Variants in LYZL4 observed in about 807,000 individuals in gnomAD.
The protein encoded by LYZL4 is lysozyme-like protein 4.
A neutral mutation model predicts 17.6 loss-of-function variants in LYZL4; 13 were observed. The ratio of observed to expected loss-of-function variants is 0.74; its 90% CI spans 0.48 to 1.18. LYZL4 has a LOEUF of 1.18. LYZL4 is among the 50% of genes most tolerant of loss of function. The probability of loss-of-function intolerance (pLI) is 0.00; values close to 1 mark genes in which losing one functional copy is unlikely to be tolerated. For missense variants in LYZL4, 174 were observed against 188.2 expected (o/e 0.92, Z 0.44); for synonymous variants, 64 against 67.7 (o/e 0.95, Z 0.27).
the LYZL4 span, among the ~76,000 whole-genome samples, chr3:42,370,834 C>T: frequency 6.6e-6 from 1 of 152,158 alleles, no homozygotes; most frequent in African/African-American, 2.4e-5. Flanking sequence ...TGGTAGAGTT[C>T]GTCTACTAAA....
intron 3 of LYZL4, among the ~76,000 whole-genome samples, chr3:42,405,804 T>C (rs1392540126): frequency 6.6e-6 from 1 of 152,144 alleles, no homozygotes. Context: ...CTTGGGCATA[T>C]ACTTACCCTC....
chr3:42,381,232 C>T, the LYZL4 span, among the ~76,000 whole-genome samples: 2 of 152,294 alleles, frequency 1.3e-5, no homozygotes, highest in East Asian at 3.9e-4. Flanking sequence ...TGATGTTGGA[C>T]CTTTCCTGTT....
chr3:42,408,924 C>G (rs1003653769), intron 1 of LYZL4, among the ~76,000 whole-genome samples: 1 of 152,088 alleles, frequency 6.6e-6, no homozygotes, highest in Non-Finnish European at 1.5e-5. Context: ...CAAAATTGCC[C>G]CCTGTTGAGA....
the LYZL4 span, among the ~76,000 whole-genome samples, chr3:42,388,107 C>T: frequency 6.6e-6 from 1 of 152,154 alleles, no homozygotes. Flanking sequence ...GGACTCCCTT[C>T]CCCAGAGCTC....
At chr3:42,399,984 T>G (rs1332098173) in intron 4 of LYZL4, among the ~76,000 whole-genome samples, 1 of 151,796 alleles carries the variant, frequency 6.6e-6, no homozygotes, top group Non-Finnish European at 1.5e-5. Context: ...ACGATGACTT[T>G]TGCAACAACC....
At chr3:42,361,685 A>G in the LYZL4 span, among the ~76,000 whole-genome samples, 1 of 152,082 alleles carries the variant, frequency 6.6e-6, no homozygotes, top group African/African-American at 2.4e-5. Flanking sequence ...AGCTGTGATC[A>G]CGCCACTGCA....
At chr3:42,407,041 G>A in intron 2 of LYZL4, 43 bp from the exon 3 acceptor site, 2 of 1,613,938 alleles carry the variant, frequency 1.2e-6, no homozygotes, top group Non-Finnish European at 1.7e-6. Flanking sequence ...GACAGCTGGA[G>A]TTGGGGATGC....
chr3:42,364,759 C>A, the LYZL4 span, among the ~76,000 whole-genome samples: 1 of 152,148 alleles, frequency 6.6e-6, no homozygotes, highest in Non-Finnish European at 1.5e-5. Context: ...CAAGCATGAG[C>A]CACCACGCCC....
intron 3 of LYZL4, among the ~76,000 whole-genome samples, chr3:42,404,780 T>C (rs1698719987): frequency 6.6e-6 from 1 of 152,328 alleles, no homozygotes; most frequent in South Asian, 2.1e-4. Flanking sequence ...ACTGTATTTC[T>C]CTTTTTGCCT....
chr3:42,364,481 T>A, the LYZL4 span, among the ~76,000 whole-genome samples: 2 of 152,018 alleles, frequency 1.3e-5, no homozygotes, highest in Non-Finnish European at 2.9e-5. Context: ...TAGCTGGGAT[T>A]ACAGGCACTC....
the LYZL4 span, among the ~76,000 whole-genome samples, chr3:42,366,406 G>A: frequency 6.6e-6 from 1 of 152,178 alleles, no homozygotes; most frequent in African/African-American, 2.4e-5. Context: ...CTGAGGAGGG[G>A]AGGTTGTGGC....
At chr3:42,405,031 G>T (rs1698724407) in intron 3 of LYZL4, among the ~76,000 whole-genome samples, 1 of 152,022 alleles carries the variant, frequency 6.6e-6, no homozygotes, top group Non-Finnish European at 1.5e-5. Flanking sequence ...ACCTCTAGAA[G>T]TGACTTACAC....
At chr3:42,388,311 C>T in the LYZL4 span, among the ~76,000 whole-genome samples, 2 of 152,292 alleles carry the variant, frequency 1.3e-5, no homozygotes, top group South Asian at 2.1e-4. Context: ...ATCAAGCACG[C>T]CTGGATTTTA....
the LYZL4 span, among the ~76,000 whole-genome samples, chr3:42,375,622 G>T: frequency 6.6e-6 from 1 of 152,214 alleles, no homozygotes; most frequent in South Asian, 2.1e-4. Flanking sequence ...GAAGAGCCGG[G>T]GAGACAGGAC....
chr3:42,381,905 T>C, the LYZL4 span, among the ~76,000 whole-genome samples: 16 of 152,230 alleles, frequency 1.1e-4, no homozygotes, highest in African/African-American at 3.9e-4. Flanking sequence ...CACTCTGACT[T>C]GCGCATCTTA....
downstream of LYZL4, among the ~76,000 whole-genome samples, chr3:42,393,659 A>G (rs1001200878): frequency 2.6e-5 from 4 of 152,334 alleles, no homozygotes. Flanking sequence ...GTTTCTTCCA[A>G]GTTTCCCCAA....
the LYZL4 span, among the ~76,000 whole-genome samples, chr3:42,371,481 G>A: frequency 1.3e-5 from 2 of 152,162 alleles, no homozygotes; most frequent in African/African-American, 4.8e-5. Context: ...GTACATAATA[G>A]AAATATATTC....
At chr3:42,398,520 A>G (rs1698595964) in intron 4 of LYZL4, among the ~76,000 whole-genome samples, 1 of 152,224 alleles carries the variant, frequency 6.6e-6, no homozygotes, top group Non-Finnish European at 1.5e-5. Context: ...CTTTAAAATT[A>G]CAATCTATTA....
chr3:42,396,016 C>G (rs535347656), downstream of LYZL4, among the ~76,000 whole-genome samples: 322 of 152,058 alleles, frequency 2.1e-3, no homozygotes, highest in African/African-American at 7.6e-3. Flanking sequence ...GAGCCGAGAT[C>G]GCGCCATTGC....
Sources: gnomAD v4.1 joint callset for allele counts (sites outside exome capture counted in the v4.1 genomes callset) on GRCh38, gnomAD v4.1.1 for gene constraint, MANE v1.5 for transcripts, NCBI Gene and HGNC (gene_info 2026-07-23, HGNC 2026-07-21) for gene names.